The following MAP3K14 variants were observed in gnomAD, a reference collection of about 807,000 sequenced individuals.
MAP3K14 encodes NF-kappa-beta-inducing kinase.
Under a neutral mutation model 99.2 loss-of-function variants are expected in MAP3K14, and 16 were observed. That is an observed-to-expected ratio of 0.16 (90% confidence interval 0.11 to 0.24). MAP3K14 has a LOEUF of 0.24. Among genes scored for constraint, MAP3K14 ranks in the 10% least tolerant of loss-of-function variants. MAP3K14 has a pLI of 1.00. For missense variants in MAP3K14, 784 were observed against 1,208.7 expected (o/e 0.65, Z 5.21); for synonymous variants, 462 against 492.4 (o/e 0.94, Z 0.82).
chr17:45,290,999 C>G, intron 1 of MAP3K14: 1 of 472,288 alleles, frequency 2.1e-6, no homozygotes, highest in Non-Finnish European at 3.9e-6. Flanking sequence ...ACAACATAAA[C>G]AGCCTCCTTC....
intron 6 of MAP3K14, among the ~76,000 whole-genome samples, chr17:45,277,856 A>G (rs1230901324): frequency 6.6e-6 from 1 of 152,192 alleles, no homozygotes; most frequent in Non-Finnish European, 1.5e-5. Context: ...GGTCACTGTG[A>G]TTAAAAGTAC....
intron 14 of MAP3K14, among the ~76,000 whole-genome samples, chr17:45,265,758 G>GA (rs1026749211): frequency 1.3e-4 from 19 of 150,192 alleles, no homozygotes; most frequent in Admixed American, 2.6e-4. Context: ...ATTTTTATAA[G>GA]AAAAAAAAAA....
At chr17:45,275,980 C>G (rs900849253) in intron 6 of MAP3K14, among the ~76,000 whole-genome samples, 2 of 152,096 alleles carry the variant, frequency 1.3e-5, no homozygotes, top group African/African-American at 4.8e-5. Flanking sequence ...CCAGGCTGGT[C>G]TCAAACTCCT....
chr17:45,287,723 C>T (rs11079503), intron 3 of MAP3K14, among the ~76,000 whole-genome samples: 19,205 of 152,212 alleles, frequency 0.13, 1,280 homozygotes, highest in Admixed American at 0.16. Context: ...GGAGCAGACA[C>T]GGTTCGCTCA....
At position 45,266,661 on chromosome 17, in the gene MAP3K14, T is replaced by C. The variant is rs2143767306; in HGVS notation, c.2454A>G (p.Gln818=). Reference sequence around the variant, plus strand: ...CTGAGCTCAGGGTGTCCCGCGAGCTTTGAGAGGCCTTTGATGGGTTCTGAA... The same window carrying C: ...CTGAGCTCAGGGTGTCCCGCGAGCTCTGAGAGGCCTTTGATGGGTTCTGAA... ...DSEKNPSKAS[Q]SSRDTLSSGV... Residue 818 remains glutamine, a synonymous_variant, in exon 14 of 16, where the codon CAA becomes CAG. Transcript: ENST00000344686. The C allele has an allele frequency of 6.2e-7, 1 of 1,612,332 alleles. No individual in the cohort carries two copies. The highest frequency in any genetic ancestry group is 1.3e-5 in the African/African-American group (1 of 74,996).
intron 11 of MAP3K14, among the ~76,000 whole-genome samples, chr17:45,268,799 C>T (rs761499199): frequency 6.6e-6 from 1 of 152,122 alleles, no homozygotes. Flanking sequence ...TCAGGCGTGT[C>T]CCCATATGGA....
chr17:45,299,099 G>A (rs973701578), intron 1 of MAP3K14, among the ~76,000 whole-genome samples: 1 of 152,190 alleles, frequency 6.6e-6, no homozygotes, highest in East Asian at 1.9e-4. Context: ...CCCAGGAGAG[G>A]AGGCTGCAGA....
rs1368301656 is a variant in MAP3K14, at chr17:45,274,196, C to T, written c.1479G>A (p.Leu493=). The T allele has an allele frequency of 5.6e-6, 9 of 1,599,230 alleles. No homozygotes were observed. The South Asian group carries it at 9.0e-5, about 16-fold the overall frequency. Residue 493 remains leucine, a synonymous_variant, in exon 8 of 16, where the codon CTG becomes CTA. Coordinates refer to ENST00000344686, the MANE Select transcript of MAP3K14 (RefSeq NM_003954.5). ...EQGCLPEDRA[L]YYLGQALEGL... ...CCTCCAGGGCCTGGCCCAGGTAGTA[C>T]AGGGCCCGGTCCTCTGGGAGACAGC...
At position 45,286,812 on chromosome 17, in the gene MAP3K14, G is replaced by A; in HGVS notation, c.771C>T (p.Pro257=). The A allele has an allele frequency of 1.2e-6, 2 of 1,613,322 alleles. No individual in the cohort carries two copies. The highest frequency in any genetic ancestry group is 1.7e-6 in the Non-Finnish European group (2 of 1,179,598). Residue 257 remains proline, a synonymous_variant, in exon 5 of 16, where the codon CCC becomes CCT. Coordinates refer to ENST00000344686, the MANE Select transcript of MAP3K14 (RefSeq NM_003954.5). The surrounding 1 kb of genome is among the most constrained non-coding windows in gnomAD (Gnocchi z 4.1). ...GATGAGGCAGTCTGCTATAGGGGAA[G>A]GGGTGCGTGGGCAGGGGCAGGGGGC... ...DGGPLPLPTH[P]FPYSRLPHPF...
chr17:45,281,954 T>C (rs2044226980), intron 6 of MAP3K14: 1 of 152,054 alleles, frequency 6.6e-6, no homozygotes, highest in African/African-American at 2.4e-5. Context: ...CTGATCTTAC[T>C]TTTAATTGCA....
At chr17:45,266,955 T>A (rs2044091137) in intron 13 of MAP3K14, 137 bp downstream of exon 13, 1 of 722,242 alleles carries the variant, frequency 1.4e-6, no homozygotes, top group African/African-American at 1.8e-5. Context: ...AAGGAAGGGG[T>A]GACCCCCATC....
At chr17:45,265,731 C>T (rs186609027) in intron 14 of MAP3K14, among the ~76,000 whole-genome samples, 44 of 152,258 alleles carry the variant, frequency 2.9e-4, no homozygotes, top group Admixed American at 1.3e-3. Flanking sequence ...GGCCACCACA[C>T]CTGGTCACAA....
At chr17:45,300,090 A>G (rs751289317) in intron 1 of MAP3K14, among the ~76,000 whole-genome samples, 1 of 152,210 alleles carries the variant, frequency 6.6e-6, no homozygotes. Flanking sequence ...CTCCATCTCA[A>G]AAAAACAAAA....
chr17:45,275,482 CA>C (rs147032902), intron 6 of MAP3K14, among the ~76,000 whole-genome samples: 70,789 of 119,140 alleles, frequency 0.59, 17,849 homozygotes, highest in East Asian at 0.62. Context: ...GACTCCATCT[CA>C]AAAAAAAAAA....
At chr17:45,268,076 T>A in intron 11 of MAP3K14, 1 of 278,632 alleles carries the variant, frequency 3.6e-6, no homozygotes, top group Non-Finnish European at 6.7e-6. Context: ...AAAGAGAAGA[T>A]TGAAAACAGC....
At chr17:45,270,961 C>T (rs1207092240) in intron 10 of MAP3K14, 97 bp downstream of exon 10, 2 of 1,477,636 alleles carry the variant, frequency 1.4e-6, no homozygotes, top group Non-Finnish European at 9.2e-7. Context: ...CCTCCCCTTG[C>T]TCCATCTGCC....
At chr17:45,275,288 C>T (rs1048279250) in intron 6 of MAP3K14, among the ~76,000 whole-genome samples, 6 of 151,400 alleles carry the variant, frequency 4.0e-5, no homozygotes, top group African/African-American at 9.7e-5. Context: ...GCCAACATGG[C>T]GAAACCCTGT....
At chr17:45,291,573 TTC>T (rs2044311580) in intron 1 of MAP3K14, among the ~76,000 whole-genome samples, 1 of 152,216 alleles carries the variant, frequency 6.6e-6, no homozygotes, top group South Asian at 2.1e-4. Flanking sequence ...TCTCTCTGGG[TTC>T]TGTCTTGCCC....
At chr17:45,274,276 T>C in intron 7 of MAP3K14, 22 bp from the exon 8 acceptor site, 1 of 1,595,878 alleles carries the variant, frequency 6.3e-7, no homozygotes, top group East Asian at 2.3e-5. Context: ...AAGGCCAGGC[T>C]ATACATGGGA....
Sources: allele counts gnomAD v4.1 joint callset (sites outside exome capture counted in the v4.1 genomes callset), GRCh38; gene constraint gnomAD v4.1.1; non-coding constraint Gnocchi (gnomAD v3.1); transcripts MANE v1.5; gene names NCBI Gene and HGNC (gene_info 2026-07-23, HGNC 2026-07-21).